KDM4C: variants seen among roughly 807,000 people sequenced by gnomAD.
KDM4C encodes the protein lysine-specific demethylase 4C.
In KDM4C, 81 loss-of-function variants were observed where a neutral mutation model predicts 129.3. That is an observed-to-expected ratio of 0.63 (90% confidence interval 0.52 to 0.75). KDM4C has a LOEUF of 0.75. Among genes scored for constraint, KDM4C ranks in the 30% least tolerant of loss-of-function variants. KDM4C has a pLI of 0.00. For synonymous variants in KDM4C, 573 were observed against 456.1 expected (o/e 1.26, Z -3.26); for missense variants, 1,457 against 1,304.0 (o/e 1.12, Z -1.81).
At chr9:6,805,955 G>T (rs570310142) in intron 3 of KDM4C, among the ~76,000 whole-genome samples, 181 bp downstream of exon 3, 2 of 152,190 alleles carry the variant, frequency 1.3e-5, no homozygotes, top group Admixed American at 6.5e-5. Context: ...TTGACTTAAA[G>T]AAATTGCTCT....
rs757668654 is a variant in KDM4C at position 7,015,894 on chromosome 9, C to T, written c.2224C>T (p.Leu742=). 9.3e-6 allele frequency: 15 copies of T among 1,612,714 alleles called. No homozygotes were observed. Among genetic ancestry groups the T allele is most frequent in the Admixed American group, 3.3e-5 (2 of 59,916 alleles). The part of the protein sequence containing the change: ...IPSHEICDGW[L]CARCKRNAWT... ...TTCTCATGAGATCTGTGATGGATGG[C>T]TGTGTGCCCGGTGCAAAAGAAATGC... Residue 742 remains leucine (L), a synonymous_variant, in exon 15 of 22, where the codon CTG becomes TTG. Coordinates refer to ENST00000381309, the MANE Select transcript of KDM4C (RefSeq NM_015061.6).
intron 19 of KDM4C, among the ~76,000 whole-genome samples, chr9:7,138,373 C>T (rs1841423011): frequency 6.6e-6 from 1 of 152,098 alleles, no homozygotes; most frequent in Non-Finnish European, 1.5e-5. Context: ...TATCCAATAC[C>T]ATTATAGAAT....
chr9:6,916,609 C>G (rs1198344539), intron 8 of KDM4C, among the ~76,000 whole-genome samples: 1 of 152,106 alleles, frequency 6.6e-6, no homozygotes, highest in African/African-American at 2.4e-5. Context: ...AATTCTTTTT[C>G]TTTATCCAGC....
At chr9:6,812,484 T>C (rs967122116) in intron 3 of KDM4C, among the ~76,000 whole-genome samples, 2 of 152,118 alleles carry the variant, frequency 1.3e-5, no homozygotes, top group African/African-American at 4.8e-5. Context: ...GTGGGATGGT[T>C]TCGGGATGAA....
intron 1 of KDM4C, among the ~76,000 whole-genome samples, chr9:6,730,216 C>T (rs62566471): frequency 0.086 from 13,132 of 152,200 alleles, 744 homozygotes; most frequent in Non-Finnish European, 0.12. Context: ...CAGGGCTTTT[C>T]GGAATCCTGA....
At chr9:6,985,061 C>T (rs147714582) in intron 10 of KDM4C, among the ~76,000 whole-genome samples, 1,924 of 152,192 alleles carry the variant, frequency 0.013, 22 homozygotes, top group Admixed American at 0.023. Context: ...CATGGGATTC[C>T]CCCCTCCGCC....
chr9:6,985,865 AT>A (rs1385173069), intron 10 of KDM4C, among the ~76,000 whole-genome samples: 1 of 152,030 alleles, frequency 6.6e-6, no homozygotes, highest in Non-Finnish European at 1.5e-5. Context: ...TAATTTTTAT[AT>A]TTTTAGTAGA....
chr9:7,153,489 G>A (rs10976071), intron 19 of KDM4C, among the ~76,000 whole-genome samples: 22,918 of 152,102 alleles, frequency 0.15, 2,061 homozygotes, highest in Middle Eastern at 0.29. Context: ...GACTGCTGCC[G>A]GTCATCTAGG....
intron 15 of KDM4C, among the ~76,000 whole-genome samples, chr9:7,028,343 G>A (rs1444089853): frequency 6.6e-6 from 1 of 151,874 alleles, no homozygotes; most frequent in East Asian, 1.9e-4. Context: ...TTTCAAGGCA[G>A]TGAGTTCCCT....
At chr9:6,853,227 C>G (rs1839176030) in intron 5 of KDM4C, among the ~76,000 whole-genome samples, 1 of 152,144 alleles carries the variant, frequency 6.6e-6, no homozygotes, top group Non-Finnish European at 1.5e-5. Flanking sequence ...GTTGCTCATG[C>G]CTATAATCCC....
intron 8 of KDM4C, among the ~76,000 whole-genome samples, chr9:6,975,486 A>G (rs953117387): frequency 6.6e-6 from 1 of 152,196 alleles, no homozygotes. Flanking sequence ...ATTTGAATCT[A>G]GCAAAGTCTC....
At chr9:7,045,883 T>C (rs1300605041) in intron 15 of KDM4C, among the ~76,000 whole-genome samples, 2 of 152,032 alleles carry the variant, frequency 1.3e-5, no homozygotes, top group African/African-American at 4.8e-5. Context: ...TCATTAATAG[T>C]AGATCAGTTA....
chr9:6,793,188 T>C lies in KDM4C; in HGVS notation c.144+56T>C, dbSNP rs1827049426. 3 of 1,565,616 alleles carry C rather than the reference T, an allele frequency of 1.9e-6. No individual in the cohort carries two copies. The South Asian group carries it at 3.5e-5, about 18-fold the overall frequency. ...ACAATCACTTGGCCTTTAATTTATG[T>C]TCTTAGTTTTCACGATTTGGGACAT... On this transcript the variant is annotated intron_variant, in intron 2 of 21. Coordinates refer to ENST00000381309, the MANE Select transcript of KDM4C (RefSeq NM_015061.6).
chr9:6,951,196 T>G (rs1416625250), intron 8 of KDM4C, among the ~76,000 whole-genome samples: 1 of 152,154 alleles, frequency 6.6e-6, no homozygotes, highest in Non-Finnish European at 1.5e-5. Flanking sequence ...ATGTCTTCTT[T>G]CTTAGCTATT....
At chr9:6,978,412 T>C (rs191228077) in intron 8 of KDM4C, among the ~76,000 whole-genome samples, 50 of 152,352 alleles carry the variant, frequency 3.3e-4, no homozygotes, top group South Asian at 8.3e-4. Flanking sequence ...TTAGGTTATT[T>C]AGAAAAATTT....
chr9:6,733,328 G>T (rs756399109), intron 1 of KDM4C, among the ~76,000 whole-genome samples: 1 of 152,172 alleles, frequency 6.6e-6, no homozygotes, highest in Non-Finnish European at 1.5e-5. Flanking sequence ...ATTTCTGATG[G>T]GACCATCTGA....
chr9:6,746,931 G>A (rs1220556412), intron 1 of KDM4C, among the ~76,000 whole-genome samples: 1 of 146,104 alleles, frequency 6.8e-6, no homozygotes, highest in African/African-American at 2.6e-5. Flanking sequence ...GCGTGAATCC[G>A]GGAGGCGGAG....
intron 8 of KDM4C, among the ~76,000 whole-genome samples, chr9:6,963,888 C>CT (rs1208687265): frequency 2.0e-5 from 3 of 152,212 alleles, no homozygotes; most frequent in South Asian, 2.1e-4. Flanking sequence ...CTTGCTATCA[C>CT]TTTTTTAGCT....
At chr9:7,160,164 A>G (rs1479572001) in intron 19 of KDM4C, among the ~76,000 whole-genome samples, 1 of 152,250 alleles carries the variant, frequency 6.6e-6, no homozygotes, top group Non-Finnish European at 1.5e-5. Flanking sequence ...TTCTCGTGCC[A>G]TGGTTTTCAG....
Sources: gnomAD v4.1 joint callset for allele counts (sites outside exome capture counted in the v4.1 genomes callset) on GRCh38, gnomAD v4.1.1 for gene constraint, MANE v1.5 for transcripts, NCBI Gene and HGNC (gene_info 2026-07-23, HGNC 2026-07-21) for gene names.